Variants in ATG5 observed in about 807,000 individuals in gnomAD.
The protein encoded by ATG5 is autophagy protein 5.
In ATG5, 14 loss-of-function variants were observed where a neutral mutation model predicts 36.5. The ratio of observed to expected loss-of-function variants is 0.38; its 90% CI spans 0.25 to 0.60. The LOEUF is 0.60. Ranked by LOEUF, ATG5 falls within the 20% of genes least tolerant of loss-of-function variation. ATG5 has a pLI of 0.60. For synonymous variants in ATG5, 95 were observed against 101.5 expected, an observed-to-expected ratio of 0.94 and a Z score of 0.38; for missense variants, 195 against 326.7, an observed-to-expected ratio of 0.60 and a Z score of 3.11.
chr6:106,283,809 C>T (rs1480422012), intron 4 of ATG5: 1 of 152,206 alleles, frequency 6.6e-6, no homozygotes, highest in Non-Finnish European at 1.5e-5. Context: ...AGTTACTTAT[C>T]AACAGCTATT....
At chr6:106,295,328 A>G (rs770904592) in intron 3 of ATG5, among the ~76,000 whole-genome samples, 4 of 152,306 alleles carry the variant, frequency 2.6e-5, no homozygotes, top group Non-Finnish European at 5.9e-5. Flanking sequence ...AACATTTCAA[A>G]AGTGACACCA....
chr6:106,211,583 A>C (rs1319708252), intron 6 of ATG5, among the ~76,000 whole-genome samples: 1 of 152,106 alleles, frequency 6.6e-6, no homozygotes, highest in Non-Finnish European at 1.5e-5. Flanking sequence ...GGTGGCGTGC[A>C]TCTGTAGTCC....
At chr6:106,222,030 T>C (rs1562219957) in intron 6 of ATG5, among the ~76,000 whole-genome samples, 1 of 152,116 alleles carries the variant, frequency 6.6e-6, no homozygotes, top group East Asian at 1.9e-4. Context: ...TAGCTGGGAT[T>C]ACAGGTGTGC....
chr6:106,231,872 C>A (rs1777707554), intron 6 of ATG5, among the ~76,000 whole-genome samples: 2 of 152,200 alleles, frequency 1.3e-5, no homozygotes, highest in South Asian at 4.1e-4. Context: ...TCATGGCCCT[C>A]AGGCAAGCGG....
intron 1 of ATG5, among the ~76,000 whole-genome samples, chr6:106,324,016 T>C (rs907169079): frequency 6.6e-6 from 1 of 152,068 alleles, no homozygotes; most frequent in African/African-American, 2.4e-5. Context: ...GCCTCCAAGT[T>C]AATATCATCT....
chr6:106,289,788 G>A (rs1440185694), intron 4 of ATG5, among the ~76,000 whole-genome samples: 1 of 151,738 alleles, frequency 6.6e-6, no homozygotes, highest in Non-Finnish European at 1.5e-5. Context: ...AAAAAAACAG[G>A]AACACTGGCA....
At chr6:106,233,333 C>T (rs1288409147) in intron 6 of ATG5, among the ~76,000 whole-genome samples, 2 of 152,264 alleles carry the variant, frequency 1.3e-5, no homozygotes, top group East Asian at 1.9e-4. Context: ...AATAGCCAGA[C>T]CATTATATAC....
intron 5 of ATG5, among the ~76,000 whole-genome samples, chr6:106,255,894 T>C (rs548735596): frequency 6.6e-6 from 1 of 152,212 alleles, no homozygotes; most frequent in African/African-American, 2.4e-5. Context: ...CAATCATCTA[T>C]AGATTTATAA....
chr6:106,190,400 C>G (rs1439811156), intron 7 of ATG5, among the ~76,000 whole-genome samples: 1 of 152,140 alleles, frequency 6.6e-6, no homozygotes, highest in South Asian at 2.1e-4. Context: ...TTAAACACCC[C>G]CCAAAAAGCC....
intron 5 of ATG5, among the ~76,000 whole-genome samples, chr6:106,255,113 T>C (rs952400313): frequency 1.6e-4 from 24 of 152,352 alleles, no homozygotes; most frequent in Non-Finnish European, 1.3e-4. Context: ...TCCAGCCATA[T>C]CATGTAACGG....
At chr6:106,211,822 T>C (rs1776862155) in intron 6 of ATG5, among the ~76,000 whole-genome samples, 1 of 152,252 alleles carries the variant, frequency 6.6e-6, no homozygotes, top group Non-Finnish European at 1.5e-5. Flanking sequence ...AAATATTATA[T>C]TGATAATTTA....
chr6:106,286,405 G>A (rs1393311589), intron 4 of ATG5, among the ~76,000 whole-genome samples: 1 of 152,038 alleles, frequency 6.6e-6, no homozygotes, highest in Non-Finnish European at 1.5e-5. Context: ...GATGACTAGA[G>A]GAAAACTCAA....
At chr6:106,219,950 A>T (rs1427913095) in intron 6 of ATG5, among the ~76,000 whole-genome samples, 2 of 152,062 alleles carry the variant, frequency 1.3e-5, no homozygotes, top group Non-Finnish European at 1.5e-5. Context: ...ACCTCTACCA[A>T]CCTGCTTATC....
intron 6 of ATG5, among the ~76,000 whole-genome samples, chr6:106,203,579 G>A (rs186069327): frequency 5.3e-5 from 8 of 152,226 alleles, no homozygotes; most frequent in African/African-American, 1.9e-4. Flanking sequence ...AACTTAACAA[G>A]AACAGAGAAA....
intron 5 of ATG5, among the ~76,000 whole-genome samples, chr6:106,269,680 G>C (rs1332375709): frequency 6.6e-6 from 1 of 152,206 alleles, no homozygotes; most frequent in Admixed American, 6.5e-5. Flanking sequence ...GGGCCGGCAG[G>C]GCCGGCCGGC....
At chr6:106,264,967 G>T (rs1779172231) in intron 5 of ATG5, among the ~76,000 whole-genome samples, 1 of 151,916 alleles carries the variant, frequency 6.6e-6, no homozygotes. Flanking sequence ...TATCATGATG[G>T]CAGGATCAAA....
intron 5 of ATG5, among the ~76,000 whole-genome samples, chr6:106,278,404 C>T (rs554806023): frequency 3.3e-5 from 5 of 152,210 alleles, no homozygotes; most frequent in Non-Finnish European, 7.4e-5. Context: ...ATTTGTATTT[C>T]AATGTCATAA....
chr6:106,256,980 T>G (rs1191231861), intron 5 of ATG5, among the ~76,000 whole-genome samples: 1 of 152,220 alleles, frequency 6.6e-6, no homozygotes, highest in African/African-American at 2.4e-5. Flanking sequence ...AACAAACACG[T>G]ACAGCCGCAT....
intron 3 of ATG5, among the ~76,000 whole-genome samples, chr6:106,295,581 T>G (rs1477170618): frequency 6.6e-6 from 1 of 151,484 alleles, no homozygotes; most frequent in Non-Finnish European, 1.5e-5. Context: ...TTTTTTTTTT[T>G]GAGACAGGGT....
Sources: gnomAD v4.1 joint callset for allele counts (sites outside exome capture counted in the v4.1 genomes callset) on GRCh38, gnomAD v4.1.1 for gene constraint, MANE v1.5 for transcripts, NCBI Gene and HGNC (gene_info 2026-07-23, HGNC 2026-07-21) for gene names.